The following TTC17 variants were observed in gnomAD, a reference collection of about 807,000 sequenced individuals.
The protein encoded by TTC17 is tetratricopeptide repeat domain 17.
Under a neutral mutation model 143.8 loss-of-function variants are expected in TTC17, and 58 were observed. The observed-to-expected ratio is 0.40, with a 90% CI of 0.33 to 0.50. TTC17 has a LOEUF of 0.50. Among genes scored for constraint, TTC17 ranks in the 20% least tolerant of loss-of-function variants. TTC17 has a pLI of 0.49. For missense variants in TTC17, 1,273 were observed against 1,392.5 expected (o/e 0.91, Z 1.37); for synonymous variants, 501 against 497.8 (o/e 1.01, Z -0.09).
At chr11:43,464,260 A>G (rs1947927739) in intron 21 of TTC17, among the ~76,000 whole-genome samples, 1 of 151,774 alleles carries the variant, frequency 6.6e-6, no homozygotes, top group African/African-American at 2.4e-5. Flanking sequence ...AGCTTGGGCG[A>G]TAGAGTGAGA....
intron 18 of TTC17, chr11:43,444,451 A>G (rs967006313): frequency 9.5e-5 from 29 of 306,010 alleles, no homozygotes; most frequent in Non-Finnish European, 1.6e-4. Context: ...AAGAAAAATT[A>G]GGTGAATATT....
chr11:43,476,052 G>A (rs910273117), intron 21 of TTC17, among the ~76,000 whole-genome samples: 21 of 152,274 alleles, frequency 1.4e-4, no homozygotes, highest in African/African-American at 5.1e-4. Flanking sequence ...GAAAAAACTA[G>A]AGGTAATGAC....
chr11:43,485,083 G>A (rs1554941863), intron 21 of TTC17, among the ~76,000 whole-genome samples: 1 of 152,008 alleles, frequency 6.6e-6, no homozygotes, highest in East Asian at 1.9e-4. Context: ...ATTTCACAGT[G>A]TAATAATAAT....
chr11:43,391,659 C>A, intron 4 of TTC17, 83 bp downstream of exon 4: 1 of 1,247,246 alleles, frequency 8.0e-7, no homozygotes, highest in Non-Finnish European at 1.1e-6. Flanking sequence ...GACCATTTCT[C>A]TTTCTTCTCT....
intron 21 of TTC17, among the ~76,000 whole-genome samples, chr11:43,457,818 A>G (rs971299139): frequency 2.6e-5 from 4 of 152,064 alleles, no homozygotes; most frequent in Non-Finnish European, 4.4e-5. Flanking sequence ...AACGTGATGG[A>G]AAAACTCCAA....
chr11:43,405,893 A>C lies in TTC17; in HGVS notation c.1703A>C (p.Lys568Thr), dbSNP rs757607544. The C allele has an allele frequency of 1.2e-6, 2 of 1,614,032 alleles. No individual in the cohort carries two copies. The highest frequency in any genetic ancestry group is 4.5e-5 in the East Asian group (2 of 44,886). Residue 568 changes from lysine (K) to threonine (T), a missense_variant, in exon 13 of 24, where the codon AAA (lysine) becomes ACA (threonine). By Grantham distance (78) the Lys-to-Thr change is moderately conservative. Coordinates refer to ENST00000039989, the MANE Select transcript of TTC17 (RefSeq NM_018259.6). ...RKSHTLSYLV[K>T]ELEVRMDLKA... ...AGCCACACTCTGTCCTACTTAGTCA[A>C]AGAATTAGAGGTTCGCATGGATCTG...
intron 21 of TTC17, among the ~76,000 whole-genome samples, chr11:43,486,867 C>T (rs1252399780): frequency 6.6e-6 from 1 of 152,012 alleles, no homozygotes; most frequent in East Asian, 1.9e-4. Flanking sequence ...AAAATCACAT[C>T]TCTACAAAAA....
At chr11:43,453,112 G>A (rs1484183339) in intron 21 of TTC17, among the ~76,000 whole-genome samples, 1 of 152,092 alleles carries the variant, frequency 6.6e-6, no homozygotes, top group Non-Finnish European at 1.5e-5. Flanking sequence ...ATTGGAAGGA[G>A]CAGCAAGAGG....
chr11:43,445,791 G>T, intron 18 of TTC17: 1 of 599,062 alleles, frequency 1.7e-6, no homozygotes, highest in South Asian at 2.1e-5. Flanking sequence ...GCTTCATGAT[G>T]AATCCTAACC....
chr11:43,447,961 C>G, intron 18 of TTC17, 41 bp from the exon 19 acceptor site: 1 of 1,606,428 alleles, frequency 6.2e-7, no homozygotes, highest in South Asian at 1.1e-5. Flanking sequence ...GGGTTCTCTT[C>G]CTTTGCAATT....
At chr11:43,409,822 T>G (rs1052692657) in intron 15 of TTC17, among the ~76,000 whole-genome samples, 5 of 152,030 alleles carry the variant, frequency 3.3e-5, no homozygotes, top group African/African-American at 1.2e-4. Context: ...GTTGTTTTTG[T>G]TTTTCTTTTT....
chr11:43,475,077 C>T (rs566069238), intron 21 of TTC17, among the ~76,000 whole-genome samples: 15 of 152,208 alleles, frequency 9.9e-5, no homozygotes, highest in Non-Finnish European at 1.8e-4. Flanking sequence ...GAAAAAAATC[C>T]GTGTGTAAGT....
intron 21 of TTC17, 48 bp downstream of exon 21, chr11:43,451,313 T>A (rs1434043475): frequency 1.3e-6 from 2 of 1,561,768 alleles, no homozygotes; most frequent in Admixed American, 3.3e-5. Context: ...TCCTTCTAAC[T>A]TCTTTTCTAA....
At chr11:43,478,959 G>T (rs1948236356) in intron 21 of TTC17, among the ~76,000 whole-genome samples, 1 of 152,172 alleles carries the variant, frequency 6.6e-6, no homozygotes, top group Non-Finnish European at 1.5e-5. Context: ...AGTAGTTCCA[G>T]GCCGGGCGTG....
intron 16 of TTC17, among the ~76,000 whole-genome samples, chr11:43,442,703 C>G (rs1166034290): frequency 1.3e-5 from 2 of 152,286 alleles, no homozygotes; most frequent in East Asian, 3.9e-4. Context: ...TAGGCCATTA[C>G]ACTGAGAGTC....
chr11:43,450,393 G>C, intron 20 of TTC17, 152 bp downstream of exon 20: 5 of 856,008 alleles, frequency 5.8e-6, no homozygotes, highest in Non-Finnish European at 8.3e-6. Flanking sequence ...GGCCAAGCCT[G>C]ATTTCTTTCA....
chr11:43,369,378 A>G (rs1856475854), intron 1 of TTC17, among the ~76,000 whole-genome samples: 2 of 152,168 alleles, frequency 1.3e-5, no homozygotes, highest in African/African-American at 4.8e-5. Context: ...CCTTACCTAG[A>G]TTATTTTATG....
chr11:43,365,072 A>G (rs1856277887), intron 1 of TTC17, among the ~76,000 whole-genome samples: 1 of 151,796 alleles, frequency 6.6e-6, no homozygotes, highest in South Asian at 2.1e-4. Flanking sequence ...AAGTGCTGGG[A>G]TTACAGGCGT....
At chr11:43,384,037 G>A (rs144349585) in intron 2 of TTC17, among the ~76,000 whole-genome samples, 338 of 151,880 alleles carry the variant, frequency 2.2e-3, no homozygotes, top group African/African-American at 8.0e-3. Flanking sequence ...TCTAGCTACT[G>A]GGGAGGCTGA....
Sources: gnomAD v4.1 joint callset for allele counts (sites outside exome capture counted in the v4.1 genomes callset) on GRCh38, gnomAD v4.1.1 for gene constraint, MANE v1.5 for transcripts, NCBI Gene and HGNC (gene_info 2026-07-23, HGNC 2026-07-21) for gene names.